Variants in MICU1 observed in about 807,000 individuals in gnomAD.
MICU1 encodes mitochondrial calcium uptake 1.
A neutral mutation model predicts 56.8 loss-of-function variants in MICU1; 45 were observed. The observed-to-expected ratio is 0.79, with a 90% CI of 0.62 to 1.02. The LOEUF is 1.02. Among genes scored for constraint, MICU1 ranks in the 50% least tolerant of loss-of-function variants. MICU1 has a pLI of 0.00. For missense variants in MICU1, 504 were observed against 587.1 expected, an observed-to-expected ratio of 0.86 and a Z score of 1.46; for synonymous variants, 186 against 195.1, an observed-to-expected ratio of 0.95 and a Z score of 0.39.
intron 10 of MICU1, among the ~76,000 whole-genome samples, chr10:72,388,210 C>G (rs1862956356): frequency 6.6e-6 from 1 of 152,182 alleles, no homozygotes; most frequent in Non-Finnish European, 1.5e-5. Context: ...ACTGGTATAC[C>G]AATGAGCGGA....
chr10:72,625,077 C>A (rs1404606613), intron 1 of MICU1, among the ~76,000 whole-genome samples: 1 of 152,200 alleles, frequency 6.6e-6, no homozygotes, highest in African/African-American at 2.4e-5. Context: ...ACTGCTCGAT[C>A]ACTTCCCTAC....
chr10:72,577,009 CA>C (rs753663838), intron 1 of MICU1, among the ~76,000 whole-genome samples: 3 of 152,104 alleles, frequency 2.0e-5, no homozygotes, highest in Non-Finnish European at 2.9e-5. Context: ...AGCCATAAAA[CA>C]AAATGAAATA....
At chr10:72,595,831 T>G (rs1841365130) in intron 1 of MICU1, among the ~76,000 whole-genome samples, 1 of 152,152 alleles carries the variant, frequency 6.6e-6, no homozygotes, top group Non-Finnish European at 1.5e-5. Context: ...TAAAAAATTT[T>G]GGATGAAAAC....
intron 5 of MICU1, among the ~76,000 whole-genome samples, chr10:72,527,838 T>C (rs1430078737): frequency 6.6e-6 from 1 of 152,210 alleles, no homozygotes; most frequent in Non-Finnish European, 1.5e-5. Flanking sequence ...ACTTTTCTTT[T>C]CTTTCTTGAG....
At chr10:72,392,327 T>G (rs1031826183) in intron 10 of MICU1, among the ~76,000 whole-genome samples, 1 of 152,020 alleles carries the variant, frequency 6.6e-6, no homozygotes, top group Non-Finnish European at 1.5e-5. Flanking sequence ...TCCTAGCACT[T>G]TGGGAAGCTG....
chr10:72,456,849 T>TTGTGCG (rs773361842), intron 8 of MICU1, among the ~76,000 whole-genome samples: 3 of 134,548 alleles, frequency 2.2e-5, no homozygotes, highest in Non-Finnish European at 3.1e-5. Context: ...CGGGCTCATT[T>TTGTGCG]TGTGTGTGTG....
intron 6 of MICU1, among the ~76,000 whole-genome samples, chr10:72,502,294 A>G (rs920463396): frequency 6.6e-6 from 1 of 151,826 alleles, no homozygotes; most frequent in African/African-American, 2.4e-5. Context: ...AGCTGGGACT[A>G]CAGGTATGTA....
chr10:72,456,946 GGTGTGTGTGTGTGTGT>G (rs71018292), intron 8 of MICU1, among the ~76,000 whole-genome samples: 24 of 117,790 alleles, frequency 2.0e-4, no homozygotes, highest in East Asian at 1.5e-3. Context: ...ATATTGCCCA[GGTGTGTGTGTGTGTGT>G]GTGTGTGTGT....
chr10:72,478,618 TAGAG>T (rs1055445344), intron 6 of MICU1, among the ~76,000 whole-genome samples: 1 of 152,354 alleles, frequency 6.6e-6, no homozygotes, highest in South Asian at 2.1e-4. Flanking sequence ...GTATAATTGT[TAGAG>T]AGGCCATATT....
rs1454066249 is a variant in MICU1, at chr10:72,512,161, G to GAGTAC, written c.538-3897_538-3893dup. Among the ~76,000 whole-genome samples the GAGTAC allele has an allele frequency of 3.0e-5, 4 of 134,538 alleles. No homozygotes were observed. In the Admixed American group the frequency reaches 3.1e-4, roughly 10 times the overall value. 88.3% of individuals were successfully genotyped at this position (134,538 alleles called of 152,430 possible). On this transcript the variant is annotated intron_variant, in intron 5 of 11. Coordinates refer to ENST00000361114, the MANE Select transcript of MICU1 (RefSeq NM_001195518.2). ...GGAGTCTCGTTTTGTCGCCAGGCTGGAGTACAGTGGCACAATCTCTGCTTA... is the reference window on the plus strand; with the variant it reads ...GGAGTCTCGTTTTGTCGCCAGGCTGGAGTACAGTACAGTGGCACAATCTCTGCTTA...
chr10:72,464,792 A>T (rs1294367702), intron 8 of MICU1, among the ~76,000 whole-genome samples: 1 of 152,208 alleles, frequency 6.6e-6, no homozygotes, highest in Non-Finnish European at 1.5e-5. Flanking sequence ...TGAGCTGGAG[A>T]GAATAAAGGG....
intron 5 of MICU1, among the ~76,000 whole-genome samples, chr10:72,530,331 A>G (rs1034291): frequency 6.9e-6 from 1 of 145,470 alleles, no homozygotes. Flanking sequence ...GAAACTCCAT[A>G]TCAAAATAAT....
At chr10:72,403,647 G>GTGTGTC (rs1397770345) in intron 10 of MICU1, among the ~76,000 whole-genome samples, 7 of 151,284 alleles carry the variant, frequency 4.6e-5, no homozygotes, top group African/African-American at 1.7e-4. Flanking sequence ...GTGTGTGTGT[G>GTGTGTC]TGTGTGTGTG....
At chr10:72,390,377 C>T (rs1863029337) in intron 10 of MICU1, among the ~76,000 whole-genome samples, 1 of 152,126 alleles carries the variant, frequency 6.6e-6, no homozygotes, top group South Asian at 2.1e-4. Flanking sequence ...ATCCCTCTTC[C>T]AGAGATTAAT....
chr10:72,587,373 G>A (rs1841090909), intron 1 of MICU1, among the ~76,000 whole-genome samples: 1 of 149,534 alleles, frequency 6.7e-6, no homozygotes, highest in African/African-American at 2.5e-5. Flanking sequence ...AGGCTAAGGT[G>A]AGAGGATTTC....
intron 1 of MICU1, among the ~76,000 whole-genome samples, chr10:72,571,930 T>G (rs1412925646): frequency 6.6e-6 from 1 of 151,644 alleles, no homozygotes; most frequent in Non-Finnish European, 1.5e-5. Context: ...CAAACACATA[T>G]TAATATCTAA....
At chr10:72,473,464 T>C (rs1409813702) in intron 8 of MICU1, among the ~76,000 whole-genome samples, 1 of 152,160 alleles carries the variant, frequency 6.6e-6, no homozygotes, top group African/African-American at 2.4e-5. Flanking sequence ...CTAACATGCT[T>C]ATTCCAGTTC....
chr10:72,479,832 G>T (rs1260126613), intron 6 of MICU1, among the ~76,000 whole-genome samples: 1 of 152,146 alleles, frequency 6.6e-6, no homozygotes, highest in Non-Finnish European at 1.5e-5. Context: ...CGGCTGGTTT[G>T]TCATGTTTTT....
chr10:72,456,522 G>A (rs1029312411), intron 8 of MICU1, among the ~76,000 whole-genome samples: 4 of 152,168 alleles, frequency 2.6e-5, no homozygotes, highest in Non-Finnish European at 5.9e-5. Flanking sequence ...AGTGCCTACA[G>A]CCATGTGAGT....
Sources: allele counts gnomAD v4.1 joint callset (sites outside exome capture counted in the v4.1 genomes callset), GRCh38; gene constraint gnomAD v4.1.1; transcripts MANE v1.5; gene names NCBI Gene and HGNC (gene_info 2026-07-23, HGNC 2026-07-21).